Variants in GPATCH2 observed in about 807,000 individuals in gnomAD.
The protein encoded by GPATCH2 is G patch domain-containing protein 2.
In GPATCH2, 51 loss-of-function variants were observed where a neutral mutation model predicts 58.0. The ratio of observed to expected loss-of-function variants is 0.88; its 90% CI spans 0.70 to 1.11. The LOEUF is 1.11. Ranked by LOEUF, GPATCH2 falls within the 50% of genes most tolerant of loss-of-function variation. The pLI is 0.00. For missense variants in GPATCH2, 625 were observed against 652.2 expected, an observed-to-expected ratio of 0.96 and a Z score of 0.45; for synonymous variants, 222 against 218.5, an observed-to-expected ratio of 1.02 and a Z score of -0.14.
chr1:217,466,746 C>G (rs116835082), intron 8 of GPATCH2, among the ~76,000 whole-genome samples: 4 of 151,860 alleles, frequency 2.6e-5, no homozygotes. Flanking sequence ...AAAAAGCCTT[C>G]TTCAAAGTCC....
rs1312106780 is a variant in GPATCH2, at chr1:217,611,032, G to A, written c.875C>T (p.Ser292Leu). The A allele has an allele frequency of 1.9e-6, 3 of 1,613,272 alleles. No homozygotes were observed. The highest frequency in any genetic ancestry group is 1.7e-5 in the Admixed American group (1 of 59,902). ...EQSDWFYEKE[S>L]GGACGITGVV... ...TCCAGTGATACCACATGCTCCACCT[G>A]ATTCCTTTTCGTAGAACCAGTCACT... Residue 292 changes from serine to leucine, a missense_variant, in exon 4 of 10, where the codon TCA (serine) becomes TTA (leucine). Physicochemically the swap from Ser to Leu is moderately radical, Grantham distance 145 (BLOSUM62 -2). Transcript: ENST00000366935.
chr1:217,439,025 T>C (rs550738834), intron 9 of GPATCH2, among the ~76,000 whole-genome samples: 22 of 152,162 alleles, frequency 1.4e-4, no homozygotes, highest in East Asian at 3.8e-4. Flanking sequence ...GCAGACCTAA[T>C]AGACATCTAC....
chr1:217,491,862 CTTTTTTTTT>C (rs34921892), intron 7 of GPATCH2, 112 bp from the exon 8 acceptor site: 2 of 332,732 alleles, frequency 6.0e-6, no homozygotes, highest in Admixed American at 1.0e-4. Context: ...ATTTGCACGG[CTTTTTTTTT>C]TTTTTTTTAA....
chr1:217,590,949 A>G (rs998257181), intron 5 of GPATCH2, among the ~76,000 whole-genome samples: 3 of 152,214 alleles, frequency 2.0e-5, no homozygotes, highest in Admixed American at 6.6e-5. Context: ...GAATTCAGGT[A>G]TGAAAATGGA....
chr1:217,619,735 C>T (rs1008330323), intron 2 of GPATCH2, 48 bp downstream of exon 2: 1 of 709,900 alleles, frequency 1.4e-6, no homozygotes, highest in East Asian at 2.7e-5. Context: ...CATTCAACCA[C>T]AAACACTGGA....
intron 5 of GPATCH2, among the ~76,000 whole-genome samples, chr1:217,581,317 C>A (rs369784250): frequency 1.3e-5 from 2 of 152,238 alleles, no homozygotes; most frequent in South Asian, 2.1e-4. Context: ...AACTTTAATG[C>A]CTAGCACAAG....
At chr1:217,591,195 C>CAT (rs895053946) in intron 5 of GPATCH2, among the ~76,000 whole-genome samples, 19 of 151,656 alleles carry the variant, frequency 1.3e-4, no homozygotes, top group Admixed American at 7.9e-4. Context: ...TGAAATGGAA[C>CAT]ATATATATAT....
intron 8 of GPATCH2, among the ~76,000 whole-genome samples, chr1:217,462,079 T>C (rs997546635): frequency 1.6e-4 from 25 of 152,320 alleles, no homozygotes; most frequent in African/African-American, 5.3e-4. Context: ...CATTAACTTA[T>C]ATTCAGGATA....
intron 5 of GPATCH2, among the ~76,000 whole-genome samples, chr1:217,518,756 T>C (rs1282104588): frequency 6.6e-6 from 1 of 152,234 alleles, no homozygotes; most frequent in Non-Finnish European, 1.5e-5. Flanking sequence ...TCTCTCCCTC[T>C]AGTATAGCTG....
intron 5 of GPATCH2, among the ~76,000 whole-genome samples, chr1:217,559,566 G>A (rs1378257950): frequency 6.6e-6 from 1 of 152,044 alleles, no homozygotes. Flanking sequence ...AAACATATAA[G>A]CTAGCTTAAG....
intron 5 of GPATCH2, among the ~76,000 whole-genome samples, chr1:217,598,505 T>G (rs1571628007): frequency 6.6e-6 from 1 of 151,810 alleles, no homozygotes. Flanking sequence ...CTGGATGGAG[T>G]GCAGTGGCGC....
intron 5 of GPATCH2, among the ~76,000 whole-genome samples, chr1:217,542,637 G>A (rs914913331): frequency 3.3e-5 from 5 of 152,166 alleles, no homozygotes; most frequent in Non-Finnish European, 7.3e-5. Flanking sequence ...CTTTAAGCCT[G>A]TGGATTCAAC....
chr1:217,617,207 A>T (rs183372704), intron 2 of GPATCH2, among the ~76,000 whole-genome samples: 1 of 152,240 alleles, frequency 6.6e-6, no homozygotes, highest in Admixed American at 6.5e-5. Flanking sequence ...ATCCCACTTT[A>T]TTGCCGGTAA....
chr1:217,434,581 C>T (rs1306566478), intron 9 of GPATCH2, among the ~76,000 whole-genome samples: 1 of 152,188 alleles, frequency 6.6e-6, no homozygotes, highest in Non-Finnish European at 1.5e-5. Context: ...TCTATTGCTG[C>T]TCTGGGCTAT....
intron 1 of GPATCH2, among the ~76,000 whole-genome samples, chr1:217,629,710 T>A (rs1258068505): frequency 1.3e-5 from 2 of 152,188 alleles, no homozygotes; most frequent in Admixed American, 6.5e-5. Context: ...CCTGTAAAAA[T>A]TGTGCATTTC....
chr1:217,515,331 C>G (rs1663078277), intron 5 of GPATCH2, among the ~76,000 whole-genome samples: 1 of 151,998 alleles, frequency 6.6e-6, no homozygotes, highest in Non-Finnish European at 1.5e-5. Flanking sequence ...CTCCTGCCCT[C>G]GTGATCTGCC....
At chr1:217,463,087 T>A (rs1196969394) in intron 8 of GPATCH2, among the ~76,000 whole-genome samples, 1 of 152,196 alleles carries the variant, frequency 6.6e-6, no homozygotes, top group Admixed American at 6.5e-5. Context: ...TAATTTGGCA[T>A]TTTTGAGGCC....
At position 217,630,896 on chromosome 1, in the gene GPATCH2, C is replaced by T; in HGVS notation, c.56+20G>A. 6.3e-7 allele frequency: 1 copy of T among 1,577,648 alleles called. No individual in the cohort carries two copies. Among genetic ancestry groups the T allele is most frequent in the African/African-American group, 1.3e-5 (1 of 74,318 alleles). ...CACACCCTTCCCTGACCTCCCCCTCCCCAGGGCCGCCAGCCTCACCAGCTG... is the reference window on the plus strand; with the variant it reads ...CACACCCTTCCCTGACCTCCCCCTCTCCAGGGCCGCCAGCCTCACCAGCTG... On this transcript the variant is annotated intron_variant, in intron 1 of 9. Transcript: ENST00000366935.
At position 217,627,383 on chromosome 1, in the gene GPATCH2, T is replaced by C. The variant is rs112775521; in HGVS notation, c.56+3533A>G. 3.2e-3 allele frequency among the ~76,000 whole-genome samples: 480 copies of C among 152,086 alleles called. 2 individuals carry two copies. Among genetic ancestry groups the C allele is most frequent in the African/African-American group, 0.011 (457 of 41,530 alleles). ...TCGGGAAAAGGAAGGCTAGCAGACA[T>C]ATATAAATTGCTGCATACAATTTCA... On this transcript the variant is annotated intron_variant, in intron 1 of 9. Coordinates refer to ENST00000366935, the MANE Select transcript of GPATCH2 (RefSeq NM_018040.5).
Sources: allele counts gnomAD v4.1 joint callset (sites outside exome capture counted in the v4.1 genomes callset), GRCh38; gene constraint gnomAD v4.1.1; transcripts MANE v1.5; gene names NCBI Gene and HGNC (gene_info 2026-07-23, HGNC 2026-07-21).